The following GABRG1 variants were observed in gnomAD, a reference collection of about 807,000 sequenced individuals.
GABRG1 encodes the protein gamma-aminobutyric acid type A receptor subunit gamma1, also known as gamma-aminobutyric acid receptor subunit gamma-1.
Under a neutral mutation model 49.8 loss-of-function variants are expected in GABRG1, and 49 were observed. The observed-to-expected ratio is 0.98, with a 90% CI of 0.78 to 1.25. GABRG1 has a LOEUF of 1.25. Ranked by LOEUF, GABRG1 falls within the 50% of genes most tolerant of loss-of-function variation. The pLI is 0.00. For synonymous variants in GABRG1, 232 were observed against 185.1 expected, an observed-to-expected ratio of 1.25 and a Z score of -2.06; for missense variants, 552 against 552.3, an observed-to-expected ratio of 1.00 and a Z score of 0.01.
At chr4:46,043,170 T>A (rs1717850461) in intron 8 of GABRG1, among the ~76,000 whole-genome samples, 1 of 151,962 alleles carries the variant, frequency 6.6e-6, no homozygotes, top group African/African-American at 2.4e-5. Flanking sequence ...GAAACGGCAT[T>A]ATCATAAATG....
chr4:46,047,026 C>T (rs1718024807), intron 8 of GABRG1, among the ~76,000 whole-genome samples: 1 of 152,084 alleles, frequency 6.6e-6, no homozygotes, highest in Admixed American at 6.6e-5. Flanking sequence ...TTCTTTCCTA[C>T]TTTCAAGATA....
At chr4:46,103,497 A>G (rs1210248794) in intron 1 of GABRG1, among the ~76,000 whole-genome samples, 2 of 151,510 alleles carry the variant, frequency 1.3e-5, no homozygotes, top group Non-Finnish European at 3.0e-5. Context: ...TTGGTTATTC[A>G]TATTGTTACC....
intron 3 of GABRG1, among the ~76,000 whole-genome samples, chr4:46,078,152 C>G (rs989937918): frequency 6.6e-6 from 1 of 151,394 alleles, no homozygotes; most frequent in African/African-American, 2.4e-5. Flanking sequence ...CTGCAAACAC[C>G]AAGAAAATAA....
intron 2 of GABRG1, among the ~76,000 whole-genome samples, chr4:46,086,143 AT>A (rs1719744102): frequency 1.3e-5 from 2 of 151,740 alleles, no homozygotes; most frequent in African/African-American, 4.8e-5. Flanking sequence ...CTGTGCTGTT[AT>A]TTTAAGTACT....
chr4:46,112,898 A>G (rs1382193417), intron 1 of GABRG1, among the ~76,000 whole-genome samples: 3 of 151,000 alleles, frequency 2.0e-5, no homozygotes, highest in African/African-American at 7.3e-5. Context: ...TACACAGGTA[A>G]AAAATCTGCA....
At chr4:46,045,499 T>C (rs1429665689) in intron 8 of GABRG1, among the ~76,000 whole-genome samples, 1 of 151,566 alleles carries the variant, frequency 6.6e-6, no homozygotes, top group African/African-American at 2.4e-5. Context: ...AACATAAGAA[T>C]ATTAAGTAAT....
At chr4:46,056,137 ATAAAT>A (rs1718422419) in intron 7 of GABRG1, among the ~76,000 whole-genome samples, 2 of 22,426 alleles carry the variant, frequency 8.9e-5, no homozygotes, top group Non-Finnish European at 1.5e-4. Context: ...AAAAAAAAAA[ATAAAT>A]AAATAAATTA....
Position 46,058,204 on chromosome 4 carries a change from T to A in GABRG1, c.916+13A>T. The stretch of plus-strand genomic sequence containing the variant: ...AGTTCTATGGCATTATAGCATAATA[T>A]TACATGTCATACCCAACGATGTTCT... On this transcript the variant is annotated intron_variant, in intron 7 of 8. Transcript: ENST00000295452. 1 of 1,604,318 alleles carries A rather than the reference T, an allele frequency of 6.2e-7. No homozygotes were observed. Among genetic ancestry groups the A allele is most frequent in the East Asian group, 2.2e-5 (1 of 44,740 alleles).
At chr4:46,070,201 G>C (rs563204836) in intron 3 of GABRG1, among the ~76,000 whole-genome samples, 14 of 151,782 alleles carry the variant, frequency 9.2e-5, no homozygotes, top group Non-Finnish European at 1.8e-4. Flanking sequence ...TCTGAACACT[G>C]CACTGAGAAT....
At chr4:46,119,047 T>A (rs771382281) in intron 1 of GABRG1, among the ~76,000 whole-genome samples, 4 of 151,232 alleles carry the variant, frequency 2.6e-5, no homozygotes, top group African/African-American at 4.8e-5. Flanking sequence ...ACCATTCAAT[T>A]CCTCAGTAAA....
chr4:46,123,702 AG>A (rs372458903), intron 1 of GABRG1, 107 bp downstream of exon 1: 6 of 724,704 alleles, frequency 8.3e-6, no homozygotes, highest in Middle Eastern at 2.4e-4. Flanking sequence ...CATATGTGTT[AG>A]GAAATGCAAA....
In GABRG1 at chr4:46,039,169, C is replaced by T. The variant is rs961010381; in HGVS notation, c.*1819G>A. 3 of 151,362 alleles carry T rather than the reference C, an allele frequency of 2.0e-5. No individual in the cohort carries two copies. Among genetic ancestry groups the T allele is most frequent in the African/African-American group, 7.3e-5 (3 of 41,308 alleles). 9.4% of individuals were successfully genotyped at this position (151,362 alleles called of 1,614,324 possible). ...CACTTTCAAAACATCCATCAGTACT[C>T]AATGTTATTAAAATGAATGTATGAA... On this transcript the variant is annotated 3_prime_UTR_variant, in exon 9 of 9. Coordinates refer to ENST00000295452, the MANE Select transcript of GABRG1 (RefSeq NM_173536.4).
At chr4:46,063,024 C>G (rs1391438473) in intron 5 of GABRG1, among the ~76,000 whole-genome samples, 1 of 150,718 alleles carries the variant, frequency 6.6e-6, no homozygotes, top group Admixed American at 6.6e-5. Flanking sequence ...AAAGAGGATA[C>G]AAACAAATGG....
chr4:46,091,299 G>A (rs1487826849), intron 2 of GABRG1, among the ~76,000 whole-genome samples: 1 of 151,850 alleles, frequency 6.6e-6, no homozygotes, highest in East Asian at 1.9e-4. Flanking sequence ...CCTGACTATC[G>A]AAACAAAATT....
intron 3 of GABRG1, among the ~76,000 whole-genome samples, chr4:46,072,196 A>T (rs1719154507): frequency 6.6e-6 from 1 of 152,116 alleles, no homozygotes; most frequent in Non-Finnish European, 1.5e-5. Flanking sequence ...TGTATCCTAG[A>T]AGCATTGGGC....
At position 46,058,335 on chromosome 4, in the gene GABRG1, C is replaced by T; in HGVS notation, c.798G>A (p.Leu266=). 6.2e-7 allele frequency: 1 copy of T among 1,611,804 alleles called. No individual in the cohort carries two copies. Among genetic ancestry groups the T allele is most frequent in the Non-Finnish European group, 8.5e-7 (1 of 1,179,180 alleles). The part of the protein sequence containing the change: ...DYVIMTIFFD[L]SRRMGYFTIQ... ...TAGTGAAATATCCCATTCTTCTGCT[C>T]AGGTCAAAAAAAATTGTCATGATAA... is the stretch of plus-strand genomic sequence containing the variant. Residue 266 remains leucine, a synonymous_variant, in exon 7 of 9, where the codon CTG becomes CTA. Transcript: ENST00000295452.
chr4:46,099,596 G>C (rs540583775), intron 1 of GABRG1, among the ~76,000 whole-genome samples: 2 of 151,596 alleles, frequency 1.3e-5, no homozygotes, highest in Non-Finnish European at 1.5e-5. Context: ...AGTAACATAC[G>C]CCTCAGTTCT....
In GABRG1 at chr4:46,037,968, T is replaced by C. The variant is rs535247500; in HGVS notation, c.*3020A>G. The C allele has an allele frequency of 6.6e-6, 1 of 151,856 alleles. No homozygotes were observed. Among genetic ancestry groups the C allele is most frequent in the South Asian group, 2.1e-4 (1 of 4,830 alleles). 9.4% of individuals were successfully genotyped at this position (151,856 alleles called of 1,614,324 possible). On this transcript the variant is annotated 3_prime_UTR_variant, in exon 9 of 9. Transcript: ENST00000295452. ...TGTCTATTTTATGATGATATACTAA[T>C]GCCAGAATATGGAAACACAAGTGAA...
intron 2 of GABRG1, 54 bp downstream of exon 2, chr4:46,097,147 A>T: frequency 3.6e-6 from 5 of 1,393,870 alleles, no homozygotes; most frequent in Non-Finnish European, 4.9e-6. Context: ...AAATAGTACC[A>T]GTAATGATAT....
Sources: gnomAD v4.1 joint callset for allele counts (sites outside exome capture counted in the v4.1 genomes callset) on GRCh38, gnomAD v4.1.1 for gene constraint, MANE v1.5 for transcripts, NCBI Gene and HGNC (gene_info 2026-07-23, HGNC 2026-07-21) for gene names.